The following ISM1 variants were observed in gnomAD, a reference collection of about 807,000 sequenced individuals.
ISM1 encodes isthmin-1.
In ISM1, 25 loss-of-function variants were observed where a neutral mutation model predicts 46.3. That is an observed-to-expected ratio of 0.54 (90% confidence interval 0.39 to 0.75). The LOEUF is 0.75. ISM1 is among the 30% of genes least tolerant of loss of function. The pLI is 0.00. For missense variants in ISM1, 536 were observed against 625.4 expected, an observed-to-expected ratio of 0.86 and a Z score of 1.52; for synonymous variants, 255 against 256.7, an observed-to-expected ratio of 0.99 and a Z score of 0.06.
the ISM1 span, among the ~76,000 whole-genome samples, chr20:13,319,073 C>G: frequency 9.9e-5 from 15 of 152,124 alleles, no homozygotes; most frequent in African/African-American, 3.6e-4. Context: ...ATGCATGACT[C>G]TAGTGGAAGA....
At chr20:13,247,078 A>G (rs2039803001) in intron 1 of ISM1, among the ~76,000 whole-genome samples, 1 of 152,082 alleles carries the variant, frequency 6.6e-6, no homozygotes, top group Non-Finnish European at 1.5e-5. Flanking sequence ...TCTACTGAAA[A>G]TACAAAGCCA....
chr20:13,255,756 A>G (rs2039921153), intron 1 of ISM1, among the ~76,000 whole-genome samples: 1 of 152,164 alleles, frequency 6.6e-6, no homozygotes, highest in Non-Finnish European at 1.5e-5. Flanking sequence ...CTCATCAGAC[A>G]TCTTTGCACC....
At chr20:13,223,093 G>T (rs1189608035) in intron 1 of ISM1, among the ~76,000 whole-genome samples, 1 of 151,806 alleles carries the variant, frequency 6.6e-6, no homozygotes, top group Non-Finnish European at 1.5e-5. Context: ...AACCCGGGAG[G>T]TTGTAGTGAG....
chr20:13,296,262 T>C (rs1998313), intron 5 of ISM1, among the ~76,000 whole-genome samples: 56,075 of 151,964 alleles, frequency 0.37, 10,701 homozygotes, highest in African/African-American at 0.46. Flanking sequence ...GGTCTTTCTC[T>C]GGACCCGAGC....
At chr20:13,246,020 C>G (rs1208341295) in intron 1 of ISM1, among the ~76,000 whole-genome samples, 1 of 152,218 alleles carries the variant, frequency 6.6e-6, no homozygotes, top group Non-Finnish European at 1.5e-5. Flanking sequence ...ATAATCCCAG[C>G]ACTTTGAGAG....
intron 1 of ISM1, among the ~76,000 whole-genome samples, chr20:13,236,745 A>C (rs1461639391): frequency 6.6e-6 from 1 of 152,252 alleles, no homozygotes; most frequent in Non-Finnish European, 1.5e-5. Flanking sequence ...GGGCCCAGGC[A>C]AGTCTGAAAT....
the ISM1 span, among the ~76,000 whole-genome samples, chr20:13,325,794 A>G: frequency 1.3e-5 from 2 of 152,226 alleles, no homozygotes; most frequent in Non-Finnish European, 1.5e-5. Context: ...GACTCTTAAC[A>G]GAAAATTTTT....
In ISM1 at chr20:13,299,190, G is replaced by A; in HGVS notation, c.1126G>A (p.Glu376Lys). ...CTGCATCCGCTCCATGCTGTCCCTG[G>A]AGAGCACCACGCTGGCGGCACAGCA... ...RYCIRSMLSLESTTLAAQHCC... is the reference protein window; with the variant it reads ...RYCIRSMLSLKSTTLAAQHCC... The change falls in exon 6 of 6, where the codon GAG becomes AAG. Residue 376 changes from glutamate (E) to lysine (K), a missense_variant. Coordinates refer to ENST00000262487, the MANE Select transcript of ISM1 (RefSeq NM_080826.2). The surrounding 1 kb of genome is among the most constrained non-coding windows in gnomAD (Gnocchi z 5.8). The A allele has an allele frequency of 6.2e-7, 1 of 1,606,064 alleles. No individual in the cohort carries two copies. Among genetic ancestry groups the A allele is most frequent in the East Asian group, 2.2e-5 (1 of 44,460 alleles).
intron 1 of ISM1, among the ~76,000 whole-genome samples, chr20:13,240,225 G>A (rs2039703346): frequency 6.6e-6 from 1 of 152,190 alleles, no homozygotes; most frequent in African/African-American, 2.4e-5. Flanking sequence ...TAGAGAACAA[G>A]CTTATGTTCT....
At chr20:13,304,498 G>A (rs562578898), downstream of ISM1, among the ~76,000 whole-genome samples, 1 of 152,276 alleles carries the variant, frequency 6.6e-6, no homozygotes, top group African/African-American at 2.4e-5. Context: ...GCTGTCCCAA[G>A]CATCCCCTCA....
intron 1 of ISM1, among the ~76,000 whole-genome samples, chr20:13,251,190 G>A (rs1198706948): frequency 6.6e-6 from 1 of 152,144 alleles, no homozygotes; most frequent in Non-Finnish European, 1.5e-5. Context: ...TGAATGGTGA[G>A]CACTTGTCCT....
In ISM1 at chr20:13,221,860, A is replaced by G; in HGVS notation, c.84A>G (p.Gly28=). The change falls in exon 1 of 6, where the codon GGA becomes GGG. Residue 28 remains glycine, a synonymous_variant. Coordinates refer to ENST00000262487, the MANE Select transcript of ISM1 (RefSeq NM_080826.2). The part of the protein sequence containing the change: ...TLHITVLRGS[G]AADGPDAAAG... ...ACATCACCGTGCTGCGCGGCTCGGGAGCCGCCGACGGGCCCGACGCGGCCG... is the reference window on the plus strand; with the variant it reads ...ACATCACCGTGCTGCGCGGCTCGGGGGCCGCCGACGGGCCCGACGCGGCCG... 1 of 1,431,384 alleles carries G rather than the reference A, an allele frequency of 7.0e-7. No individual in the cohort carries two copies. The highest frequency in any genetic ancestry group is 9.1e-7 in the Non-Finnish European group (1 of 1,097,354). 88.7% of individuals were successfully genotyped at this position (1,431,384 alleles called of 1,614,324 possible). A position where few individuals can be genotyped will look rare whatever the true frequency, so the allele number is the denominator to read the frequency against.
rs759423828 is a variant in ISM1, at chr20:13,270,567, C to A, written c.202C>A (p.Pro68Thr). The A allele has an allele frequency of 1.2e-6, 2 of 1,613,950 alleles. No individual in the cohort carries two copies. Among genetic ancestry groups the A allele is most frequent in the Non-Finnish European group, 8.5e-7 (1 of 1,179,858 alleles). ...ETSFSLSKEA[P>T]REHLDHQAAH... The stretch of plus-strand genomic sequence containing the variant: ...CAGCTTTTCTCTCTCCAAAGAAGCA[C>A]CAAGGGAGCATCTGGACCACCAGGC... The change falls in exon 2 of 6, where the codon CCA becomes ACA. Residue 68 changes from proline to threonine, a missense_variant. Transcript: ENST00000262487.
intron 1 of ISM1, among the ~76,000 whole-genome samples, chr20:13,253,163 AG>A (rs975089854): frequency 2.5e-4 from 38 of 152,208 alleles, no homozygotes; most frequent in Non-Finnish European, 2.2e-4. Flanking sequence ...CACAGGGAAA[AG>A]CAGGAAGGAA....
chr20:13,227,959 CTTTT>C (rs747478331), intron 1 of ISM1, among the ~76,000 whole-genome samples: 6 of 129,020 alleles, frequency 4.7e-5, no homozygotes, highest in African/African-American at 1.4e-4. Context: ...CTGCTGCTGC[CTTTT>C]TTTTTTTTTT....
intron 2 of ISM1, among the ~76,000 whole-genome samples, chr20:13,271,035 A>G (rs1384023909): frequency 6.6e-6 from 1 of 152,258 alleles, no homozygotes; most frequent in Non-Finnish European, 1.5e-5. Flanking sequence ...ACAGTGAAAT[A>G]TAAAAGCAAA....
intron 1 of ISM1, among the ~76,000 whole-genome samples, chr20:13,251,739 G>C (rs2039870540): frequency 6.6e-6 from 1 of 152,210 alleles, no homozygotes; most frequent in Admixed American, 6.5e-5. Flanking sequence ...GATGTTGAAA[G>C]AAGCCATTCA....
At chr20:13,252,639 C>A (rs960713058) in intron 1 of ISM1, among the ~76,000 whole-genome samples, 67 of 151,950 alleles carry the variant, frequency 4.4e-4, no homozygotes, top group Admixed American at 4.4e-3. Flanking sequence ...CCTGTAGTCC[C>A]AGATACTCAG....
chr20:13,241,241 C>T (rs1216338205), intron 1 of ISM1, among the ~76,000 whole-genome samples: 2 of 152,024 alleles, frequency 1.3e-5, no homozygotes, highest in Non-Finnish European at 2.9e-5. Flanking sequence ...GGTAAAGGAA[C>T]AAATGGAAGG....
Sources: allele counts gnomAD v4.1 joint callset (sites outside exome capture counted in the v4.1 genomes callset), GRCh38; gene constraint gnomAD v4.1.1; non-coding constraint Gnocchi (gnomAD v3.1); transcripts MANE v1.5; gene names NCBI Gene and HGNC (gene_info 2026-07-23, HGNC 2026-07-21).